The following SOX6 variants were observed in gnomAD, a reference collection of about 807,000 sequenced individuals.
SOX6 encodes the protein transcription factor SOX-6.
In SOX6, 11 loss-of-function variants were observed where a neutral mutation model predicts 97.8. The ratio of observed to expected loss-of-function variants is 0.11; its 90% CI spans 0.07 to 0.19. SOX6 has a LOEUF of 0.19. SOX6 is among the 10% of genes least tolerant of loss of function. SOX6 has a pLI of 1.00. For missense variants in SOX6, 810 were observed against 1,039.5 expected, an observed-to-expected ratio of 0.78 and a Z score of 3.04; for synonymous variants, 360 against 371.4, an observed-to-expected ratio of 0.97 and a Z score of 0.35.
At chr11:16,326,679 C>T (rs1056561996) in intron 2 of SOX6, among the ~76,000 whole-genome samples, 2 of 152,144 alleles carry the variant, frequency 1.3e-5, no homozygotes, top group African/African-American at 4.8e-5. Context: ...CAAGAAGTAA[C>T]TTGTATTACT....
intron 9 of SOX6, among the ~76,000 whole-genome samples, chr11:16,083,420 A>G (rs902128464): frequency 1.3e-5 from 2 of 152,190 alleles, no homozygotes; most frequent in African/African-American, 4.8e-5. Flanking sequence ...AGGGTCTTAC[A>G]CTTTTAATGC....
At chr11:16,000,204 AG>A (rs1854361889) in intron 13 of SOX6, among the ~76,000 whole-genome samples, 3 of 152,196 alleles carry the variant, frequency 2.0e-5, no homozygotes, top group Admixed American at 6.5e-5. Context: ...GCAAAAAAAA[AG>A]AAAAAGGATT....
chr11:16,668,376 AAATC>A (rs1847823108), intron 3 of SOX6, among the ~76,000 whole-genome samples: 1 of 152,186 alleles, frequency 6.6e-6, no homozygotes, highest in Non-Finnish European at 1.5e-5. Flanking sequence ...CCATCAAAAA[AAATC>A]AATCAATCAA....
chr11:16,528,170 A>C (rs1027374026), intron 4 of SOX6, among the ~76,000 whole-genome samples: 1 of 152,090 alleles, frequency 6.6e-6, no homozygotes, highest in African/African-American at 2.4e-5. Context: ...GAAATTTTAC[A>C]ATGTTTCTAA....
chr11:16,622,617 G>A (rs1260759859), intron 3 of SOX6, among the ~76,000 whole-genome samples: 1 of 152,162 alleles, frequency 6.6e-6, no homozygotes, highest in Non-Finnish European at 1.5e-5. Flanking sequence ...TTTAATGACT[G>A]AGTAGTATTC....
chr11:16,251,156 TTTAAA>T (rs1485461745), intron 3 of SOX6, among the ~76,000 whole-genome samples: 2 of 152,114 alleles, frequency 1.3e-5, no homozygotes, highest in African/African-American at 4.8e-5. Flanking sequence ...TTATTAGAAC[TTTAAA>T]TTAGTATATT....
intron 6 of SOX6, among the ~76,000 whole-genome samples, chr11:16,141,494 C>T (rs1850138959): frequency 6.6e-6 from 1 of 152,152 alleles, no homozygotes; most frequent in African/African-American, 2.4e-5. Flanking sequence ...GTTCATCTCA[C>T]TGGGGCTTGT....
At chr11:16,591,825 A>G (rs545988685) in intron 4 of SOX6, among the ~76,000 whole-genome samples, 6 of 152,264 alleles carry the variant, frequency 3.9e-5, no homozygotes, top group Non-Finnish European at 7.4e-5. Flanking sequence ...TTGTGCAATC[A>G]ATGATGTTCT....
chr11:16,410,065 C>G (rs531934875), intron 1 of SOX6, among the ~76,000 whole-genome samples: 2 of 152,116 alleles, frequency 1.3e-5, no homozygotes, highest in South Asian at 4.2e-4. Flanking sequence ...TGCAATTAGG[C>G]AGGAGGAACA....
intron 4 of SOX6, among the ~76,000 whole-genome samples, chr11:16,532,325 A>G (rs866863288): frequency 1.3e-5 from 2 of 151,842 alleles, no homozygotes; most frequent in Middle Eastern, 3.2e-3. Flanking sequence ...AATCCACTGT[A>G]TGATCAAGAA....
chr11:16,366,735 C>A (rs572953641), intron 1 of SOX6, among the ~76,000 whole-genome samples: 1 of 151,982 alleles, frequency 6.6e-6, no homozygotes, highest in Non-Finnish European at 1.5e-5. Context: ...TTCTTACATA[C>A]ATCAGTACCA....
intron 6 of SOX6, among the ~76,000 whole-genome samples, chr11:16,167,016 A>G (rs767101000): frequency 3.2e-4 from 48 of 152,214 alleles, no homozygotes; most frequent in Middle Eastern, 3.2e-3. Context: ...TCTCAAATGT[A>G]CATTTTCAGT....
At chr11:16,002,395 C>CT in intron 13 of SOX6, among the ~76,000 whole-genome samples, 1 of 152,206 alleles carries the variant, frequency 6.6e-6, no homozygotes, top group South Asian at 2.1e-4. Context: ...CCTGTGTTTA[C>CT]TTTTTTCAAA....
chr11:16,310,703 G>A (rs568829726), intron 3 of SOX6, among the ~76,000 whole-genome samples: 10 of 152,138 alleles, frequency 6.6e-5, no homozygotes, highest in East Asian at 3.9e-4. Context: ...ACAATTTTGC[G>A]TGTTTTAATG....
intron 6 of SOX6, among the ~76,000 whole-genome samples, chr11:16,117,023 G>T (rs1357498440): frequency 2.0e-5 from 3 of 152,162 alleles, no homozygotes. Context: ...GGGGATGGCT[G>T]CCCTAGTGTG....
At chr11:16,430,290 A>G (rs935579750) in intron 1 of SOX6, among the ~76,000 whole-genome samples, 2 of 152,146 alleles carry the variant, frequency 1.3e-5, no homozygotes, top group African/African-American at 4.8e-5. Context: ...AATTCTTATT[A>G]TATTTGTTTA....
chr11:16,585,906 C>T (rs952356152), intron 4 of SOX6, among the ~76,000 whole-genome samples: 10 of 152,016 alleles, frequency 6.6e-5, no homozygotes, highest in African/African-American at 1.7e-4. Context: ...TGGTCTTGAA[C>T]TCCTGGGCTT....
At chr11:16,492,590 A>T (rs1209171020) in intron 4 of SOX6, among the ~76,000 whole-genome samples, 1 of 152,138 alleles carries the variant, frequency 6.6e-6, no homozygotes, top group African/African-American at 2.4e-5. Context: ...CTATAGTGTG[A>T]CCTTAATAAG....
intron 12 of SOX6, among the ~76,000 whole-genome samples, chr11:16,038,295 T>A (rs1302902557): frequency 1.3e-5 from 2 of 152,096 alleles, no homozygotes; most frequent in Non-Finnish European, 2.9e-5. Flanking sequence ...TACTGAATCA[T>A]CATAACAAAC....
Sources: gnomAD v4.1 joint callset for allele counts (sites outside exome capture counted in the v4.1 genomes callset) on GRCh38, gnomAD v4.1.1 for gene constraint, MANE v1.5 for transcripts, NCBI Gene and HGNC (gene_info 2026-07-23, HGNC 2026-07-21) for gene names.